DIS3L2: variants seen among roughly 807,000 people sequenced by gnomAD.
The protein encoded by DIS3L2 is DIS3 like 3'-5' exoribonuclease 2.
In DIS3L2, 34 loss-of-function variants were observed where a neutral mutation model predicts 97.5. The observed-to-expected ratio is 0.35, with a 90% confidence interval of 0.27 to 0.46. DIS3L2 has a LOEUF of 0.46. Among genes scored for constraint, DIS3L2 ranks in the 20% least tolerant of loss-of-function variants. The probability of loss-of-function intolerance (pLI) is 1.00; values close to 1 mark genes in which losing one functional copy is unlikely to be tolerated. For synonymous variants in DIS3L2, 435 were observed against 445.2 expected, an observed-to-expected ratio of 0.98 and a Z score of 0.29; for missense variants, 1,038 against 1,146.0, an observed-to-expected ratio of 0.91 and a Z score of 1.36.
chr2:232,318,317 G>C (rs1575015422), intron 14 of DIS3L2, among the ~76,000 whole-genome samples: 1 of 152,270 alleles, frequency 6.6e-6, no homozygotes, highest in African/African-American at 2.4e-5. Flanking sequence ...ATGGAAGGGC[G>C]CTGAGAAGTC....
chr2:232,260,199 A>G (rs188503939), intron 12 of DIS3L2: 1 of 152,458 alleles, frequency 6.6e-6, no homozygotes, highest in Admixed American at 6.5e-5. Context: ...CCCAATGTAG[A>G]CGCACAGGAG....
chr2:231,971,497 G>A (rs897107866), intron 1 of DIS3L2, among the ~76,000 whole-genome samples: 7 of 151,902 alleles, frequency 4.6e-5, no homozygotes, highest in Non-Finnish European at 1.0e-4. Flanking sequence ...GCCCAGGCTG[G>A]AGTGCAGTGG....
intron 3 of DIS3L2, among the ~76,000 whole-genome samples, chr2:232,016,585 G>A (rs945993192): frequency 1.3e-5 from 2 of 152,036 alleles, no homozygotes; most frequent in African/African-American, 4.8e-5. Context: ...GTGTGTGGGA[G>A]GTATGGAGAG....
chr2:232,076,489 T>G (rs1696191304), intron 5 of DIS3L2, among the ~76,000 whole-genome samples: 1 of 152,202 alleles, frequency 6.6e-6, no homozygotes, highest in Admixed American at 6.5e-5. Flanking sequence ...TGTAGTGATA[T>G]CTCATTGTGG....
At chr2:231,988,800 T>C (rs1438486836) in intron 1 of DIS3L2, among the ~76,000 whole-genome samples, 2 of 152,210 alleles carry the variant, frequency 1.3e-5, no homozygotes, top group Non-Finnish European at 2.9e-5. Flanking sequence ...ACTGACATTT[T>C]TGAAAAAAAT....
intron 1 of DIS3L2, among the ~76,000 whole-genome samples, chr2:232,001,013 C>T (rs1169861627): frequency 2.0e-5 from 3 of 151,940 alleles, no homozygotes; most frequent in Admixed American, 6.6e-5. Flanking sequence ...CTGTAATGAA[C>T]GTGGGAGTGC....
At chr2:231,972,457 C>G (rs1559504936) in intron 1 of DIS3L2, among the ~76,000 whole-genome samples, 1 of 152,198 alleles carries the variant, frequency 6.6e-6, no homozygotes, top group African/African-American at 2.4e-5. Flanking sequence ...TTTTCAGCTT[C>G]CCTATAATCT....
intron 13 of DIS3L2, among the ~76,000 whole-genome samples, chr2:232,282,142 TAAAAAAAA>T (rs60408194): frequency 1.2e-4 from 13 of 107,146 alleles, no homozygotes; most frequent in East Asian, 5.3e-4. Flanking sequence ...CTCGTTTATT[TAAAAAAAA>T]AAAAAAAAAA....
chr2:232,110,710 T>G (rs953328093), intron 6 of DIS3L2, among the ~76,000 whole-genome samples: 5 of 151,960 alleles, frequency 3.3e-5, no homozygotes, highest in African/African-American at 1.2e-4. Context: ...GGTTGTGTTG[T>G]AGGAGGAAGG....
intron 10 of DIS3L2, among the ~76,000 whole-genome samples, chr2:232,211,064 A>G (rs1692175599): frequency 6.6e-6 from 1 of 152,042 alleles, no homozygotes; most frequent in Non-Finnish European, 1.5e-5. Flanking sequence ...ATTGACTCTC[A>G]AAGAAAAAAT....
At chr2:232,303,353 T>G (rs188343707) in intron 14 of DIS3L2, among the ~76,000 whole-genome samples, 2 of 152,342 alleles carry the variant, frequency 1.3e-5, no homozygotes, top group Admixed American at 1.3e-4. Flanking sequence ...CATAATAGTG[T>G]TATTTAGGAA....
chr2:232,207,931 C>T (rs1692074949), intron 9 of DIS3L2, among the ~76,000 whole-genome samples: 1 of 151,852 alleles, frequency 6.6e-6, no homozygotes, highest in Admixed American at 6.6e-5. Context: ...AAGTAATATT[C>T]AATTGCAGTG....
intron 6 of DIS3L2, among the ~76,000 whole-genome samples, chr2:232,116,848 C>T (rs1697732749): frequency 1.3e-5 from 2 of 152,108 alleles, no homozygotes; most frequent in Non-Finnish European, 2.9e-5. Flanking sequence ...ACAACAACAA[C>T]AACAACAAAA....
intron 1 of DIS3L2, among the ~76,000 whole-genome samples, chr2:231,992,668 C>T (rs889908384): frequency 2.0e-5 from 3 of 152,098 alleles, no homozygotes; most frequent in African/African-American, 7.2e-5. Flanking sequence ...TGATATCCAT[C>T]CTGCTAAGTG....
At chr2:232,192,940 T>C (rs908951672) in intron 9 of DIS3L2, among the ~76,000 whole-genome samples, 2 of 152,212 alleles carry the variant, frequency 1.3e-5, no homozygotes, top group African/African-American at 4.8e-5. Flanking sequence ...TCTTCCTCTC[T>C]GCCTCTCCTA....
intron 10 of DIS3L2, among the ~76,000 whole-genome samples, chr2:232,223,861 G>A (rs546761152): frequency 6.6e-6 from 1 of 152,342 alleles, no homozygotes; most frequent in African/African-American, 2.4e-5. Flanking sequence ...GACAAGATGG[G>A]AGGATTGCTT....
intron 9 of DIS3L2, among the ~76,000 whole-genome samples, chr2:232,196,945 G>T (rs759677968): frequency 6.6e-6 from 1 of 152,022 alleles, no homozygotes; most frequent in African/African-American, 2.4e-5. Flanking sequence ...CCCTTCCCCA[G>T]TTAGCTCAGC....
rs561838604 is a variant in DIS3L2, at chr2:232,159,667, T to TGAAATTGGTGAAATTGGTGAA, written c.951-3792_951-3791insGAAATTGGTGAAATTGGTGAA. ...GTACCTCCAGTACAATGTTAAATAG[T>TGAAATTGGTGAAATTGGTGAA]ATTGGTGAAAATGAACACTTTGTCT... On this transcript the variant is annotated intron_variant, in intron 8 of 20. Coordinates refer to ENST00000325385, the MANE Select transcript of DIS3L2 (RefSeq NM_152383.5). 8.9e-4 allele frequency among the ~76,000 whole-genome samples: 135 copies of TGAAATTGGTGAAATTGGTGAA among 152,346 alleles called. 1 individual carries two copies. In the East Asian group the frequency reaches 0.022, roughly 25 times the overall value.
chr2:232,220,069 C>G (rs994025174), intron 10 of DIS3L2, among the ~76,000 whole-genome samples: 1 of 151,420 alleles, frequency 6.6e-6, no homozygotes, highest in African/African-American at 2.4e-5. Flanking sequence ...GCCAAGAGTT[C>G]AAAACCAGCC....
Sources: allele counts gnomAD v4.1 joint callset (sites outside exome capture counted in the v4.1 genomes callset), GRCh38; gene constraint gnomAD v4.1.1; transcripts MANE v1.5; gene names NCBI Gene and HGNC (gene_info 2026-07-23, HGNC 2026-07-21).